The following BEND3 variants were observed in gnomAD, a reference collection of about 807,000 sequenced individuals.
BEND3 encodes BEN domain containing 3.
A neutral mutation model predicts 60.1 loss-of-function variants in BEND3; 13 were observed. The observed-to-expected ratio is 0.22, with a 90% CI of 0.14 to 0.34. BEND3 has a LOEUF of 0.34. Among genes scored for constraint, BEND3 ranks in the 10% least tolerant of loss-of-function variants. BEND3 has a pLI of 1.00. For synonymous variants in BEND3, 497 were observed against 491.5 expected (o/e 1.01, Z -0.15); for missense variants, 896 against 1,138.1 (o/e 0.79, Z 3.06).
At chr6:107,089,475 A>T (rs1235340956) in intron 3 of BEND3, among the ~76,000 whole-genome samples, 2 of 150,164 alleles carry the variant, frequency 1.3e-5, no homozygotes, top group Admixed American at 1.3e-4. Context: ...AGTCCCAGCT[A>T]CTCGGGAGTC....
chr6:107,098,310 G>A (rs781858218), intron 3 of BEND3, among the ~76,000 whole-genome samples: 1 of 152,120 alleles, frequency 6.6e-6, no homozygotes, highest in Non-Finnish European at 1.5e-5. Context: ...GCAAAATAAC[G>A]CAAAAGCAGC....
chr6:107,107,509 C>T (rs985857039), intron 1 of BEND3, among the ~76,000 whole-genome samples: 1 of 151,812 alleles, frequency 6.6e-6, no homozygotes, highest in Non-Finnish European at 1.5e-5. Context: ...GTCGCCCAGG[C>T]TGGAGTGCAG....
intron 3 of BEND3, among the ~76,000 whole-genome samples, chr6:107,091,946 G>C (rs1249299596): frequency 7.2e-5 from 11 of 152,180 alleles, no homozygotes; most frequent in Admixed American, 7.2e-4. Flanking sequence ...TGTCTCCCAC[G>C]TGGCCAGCCT....
In BEND3 at chr6:107,090,512, CTCTGA is replaced by C. The variant is rs367673287; in HGVS notation, c.240+8034_240+8038del. On this transcript the variant is annotated intron_variant, in intron 3 of 3. Transcript: ENST00000369042. ...TAAAATAAAAACTTTATTTTTCTTA[CTCTGA>C]TCTGACAACTCTTTGTTCAAAATAA... 4.2e-4 allele frequency among the ~76,000 whole-genome samples: 64 copies of C among 152,250 alleles called. 2 individuals are homozygous for C. The highest frequency in any genetic ancestry group is 1.5e-3 in the African/African-American group (64 of 41,546).
chr6:107,110,426 G>A (rs1554238210), intron 1 of BEND3, among the ~76,000 whole-genome samples: 1 of 152,166 alleles, frequency 6.6e-6, no homozygotes, highest in African/African-American at 2.4e-5. Context: ...TTGAAACAAT[G>A]ATGTTGCAAG....
At chr6:107,078,782 G>A (rs1775158027) in intron 3 of BEND3, among the ~76,000 whole-genome samples, 2 of 150,596 alleles carry the variant, frequency 1.3e-5, no homozygotes, top group South Asian at 4.2e-4. Context: ...TCTGACCCCA[G>A]ATTCTCTGCT....
At chr6:107,085,500 A>T (rs1264419127) in intron 3 of BEND3, among the ~76,000 whole-genome samples, 9 of 150,558 alleles carry the variant, frequency 6.0e-5, no homozygotes, top group African/African-American at 1.9e-4. Context: ...TTTATTTTTT[A>T]TTTTTTTTTG....
intron 3 of BEND3, among the ~76,000 whole-genome samples, chr6:107,087,023 TAAAAAAAAAAA>T (rs58435912): frequency 9.9e-5 from 8 of 80,838 alleles, no homozygotes; most frequent in Admixed American, 8.8e-4. Context: ...AGACTCTGTC[TAAAAAAAAAAA>T]AAAAAAAGAA....
At chr6:107,105,513 C>T (rs1324985850) in intron 1 of BEND3, among the ~76,000 whole-genome samples, 2 of 152,136 alleles carry the variant, frequency 1.3e-5, no homozygotes, top group Non-Finnish European at 2.9e-5. Flanking sequence ...AACCCATAGG[C>T]GGCTGGGAGT....
rs1425881362 is a variant in BEND3, at chr6:107,115,087, T to TAC, written c.-12+1_-12+2dup. Reference sequence around the variant, plus strand: ...CGGCCGGCTTGATCCGCCCCGCACTTACCTGGGACGCGAGTTCTGTACTTT... The same window carrying TAC: ...CGGCCGGCTTGATCCGCCCCGCACTTACACCTGGGACGCGAGTTCTGTACTTT... On this transcript the variant is annotated splice_region_variant and intron_variant, in intron 1 of 3. Coordinates refer to ENST00000369042, the MANE Select transcript of BEND3 (RefSeq NM_001367314.1). The TAC allele has an allele frequency of 2.7e-5, 4 of 149,302 alleles. No homozygotes were observed. The allele number at this position is 149,302 out of a possible 1,614,324, so 9.2% of individuals were successfully genotyped here. A position where few individuals can be genotyped will look rare whatever the true frequency, so the allele number is the denominator to read the frequency against.
rs1274807742 is a variant in BEND3 at position 107,069,318 on chromosome 6, C to T, written c.1873G>A (p.Ala625Thr). 3 of 1,611,216 alleles carry T rather than the reference C, an allele frequency of 1.9e-6. No individual in the cohort carries two copies. The highest frequency in any genetic ancestry group is 2.5e-6 in the Non-Finnish European group (3 of 1,179,144). Residue 625 changes from alanine (A) to threonine (T), a missense_variant, in exon 4 of 4, where the codon GCC (alanine) becomes ACC (threonine). Transcript: ENST00000369042. ...AGGGTCCAGACGCGGTCGTTTTTGG[C>T]GCGTGGGTAGAGCAGCTGCACGTAG... Reference protein sequence around the residue: ...RHYVQLLYPRAKNDRVWTLEF... With the variant: ...RHYVQLLYPRTKNDRVWTLEF...
chr6:107,113,454 C>CAAAAAAAAAAAAAAAAAAAAAA, intron 1 of BEND3, among the ~76,000 whole-genome samples: 1 of 60,558 alleles, frequency 1.7e-5, no homozygotes. Flanking sequence ...AAAAAAAAAA[C>CAAAAAAAAAAAAAAAAAAAAAA]AAAAAAAAAA....
intron 3 of BEND3, among the ~76,000 whole-genome samples, chr6:107,075,743 A>T (rs1224049520): frequency 2.3e-4 from 35 of 152,352 alleles, no homozygotes; most frequent in African/African-American, 7.0e-4. Context: ...CGTATATAGC[A>T]TGCAACAAGA....
chr6:107,080,895 TA>T (rs782388855), intron 3 of BEND3, among the ~76,000 whole-genome samples: 1 of 150,626 alleles, frequency 6.6e-6, no homozygotes, highest in African/African-American at 2.4e-5. Flanking sequence ...AAAAAGTAAA[TA>T]AAATAAATAA....
chr6:107,104,143 A>G (rs1396173164), intron 1 of BEND3, among the ~76,000 whole-genome samples: 1 of 151,534 alleles, frequency 6.6e-6, no homozygotes, highest in African/African-American at 2.4e-5. Context: ...AAAAAAAATT[A>G]GCCAGGCGTG....
Position 107,069,293 on chromosome 6 carries a change from A to G in BEND3, c.1898T>C (p.Leu633Pro). ...PRAKNDRVWT[L>P]EFVGKLDERC... Reference sequence around the variant, plus strand: ...CTCATCCAGTTTGCCCACGAACTCCAGGGTCCAGACGCGGTCGTTTTTGGC... The same window carrying G: ...CTCATCCAGTTTGCCCACGAACTCCGGGGTCCAGACGCGGTCGTTTTTGGC... The change falls in exon 4 of 4, where the codon CTG (leucine) becomes CCG (proline). Residue 633 changes from leucine (L) to proline (P), a missense_variant. This residue lies in a region of BEND3 where 846 missense variants were observed against 1,036.7 expected (regional missense o/e 0.82). Transcript: ENST00000369042. The G allele has an allele frequency of 6.2e-7, 1 of 1,612,684 alleles. No individual in the cohort carries two copies. Among genetic ancestry groups the G allele is most frequent in the Non-Finnish European group, 8.5e-7 (1 of 1,179,568 alleles).
At chr6:107,089,309 T>G (rs1228596269) in intron 3 of BEND3, among the ~76,000 whole-genome samples, 1 of 152,056 alleles carries the variant, frequency 6.6e-6, no homozygotes, top group Non-Finnish European at 1.5e-5. Context: ...AAGATTTTAT[T>G]TTTTTTCTCA....
intron 3 of BEND3, among the ~76,000 whole-genome samples, chr6:107,081,662 G>A (rs1422198875): frequency 3.3e-5 from 5 of 151,950 alleles, no homozygotes; most frequent in Admixed American, 6.6e-5. Context: ...TGAGAAATAC[G>A]CCAATGCATT....
chr6:107,093,590 A>G (rs1288327558), intron 3 of BEND3, among the ~76,000 whole-genome samples: 2 of 152,250 alleles, frequency 1.3e-5, no homozygotes, highest in African/African-American at 4.8e-5. Context: ...ATAGAACAGA[A>G]TAGCCCAGAA....
Sources: gnomAD v4.1 joint callset for allele counts (sites outside exome capture counted in the v4.1 genomes callset) on GRCh38, gnomAD v4.1.1 for gene constraint, gnomAD v4.1.1 regional missense constraint, MANE v1.5 for transcripts, NCBI Gene and HGNC (gene_info 2026-07-23, HGNC 2026-07-21) for gene names.